The following CDH12 variants were observed in gnomAD, a reference collection of about 807,000 sequenced individuals.
CDH12 encodes the protein cadherin 12.
Under a neutral mutation model 74.1 loss-of-function variants are expected in CDH12, and 41 were observed. The ratio of observed to expected loss-of-function variants is 0.55; its 90% CI spans 0.43 to 0.72. CDH12 has a LOEUF of 0.72. Among genes scored for constraint, CDH12 ranks in the 30% least tolerant of loss-of-function variants. CDH12 has a pLI of 0.00. For synonymous variants in CDH12, 399 were observed against 355.0 expected, an observed-to-expected ratio of 1.12 and a Z score of -1.39; for missense variants, 945 against 977.2, an observed-to-expected ratio of 0.97 and a Z score of 0.44.
chr5:22,772,682 C>A (rs540098406), intron 1 of CDH12, among the ~76,000 whole-genome samples: 42 of 151,870 alleles, frequency 2.8e-4, no homozygotes, highest in Non-Finnish European at 5.9e-4. Flanking sequence ...TATATGAGAG[C>A]AAAATTTTAC....
intron 3 of CDH12, among the ~76,000 whole-genome samples, chr5:22,365,022 C>T (rs538565313): frequency 6.6e-6 from 1 of 152,188 alleles, no homozygotes; most frequent in Non-Finnish European, 1.5e-5. Context: ...TGTAGGCTAA[C>T]AGTGGAACAG....
At chr5:21,981,779 T>C (rs1305637347) in intron 5 of CDH12, among the ~76,000 whole-genome samples, 1 of 152,148 alleles carries the variant, frequency 6.6e-6, no homozygotes, top group Non-Finnish European at 1.5e-5. Context: ...CCTCCTGGGC[T>C]CAAGTGATCC....
At chr5:22,032,101 A>G (rs1011695317) in intron 5 of CDH12, among the ~76,000 whole-genome samples, 6 of 151,662 alleles carry the variant, frequency 4.0e-5, no homozygotes, top group Admixed American at 4.0e-4. Flanking sequence ...ATAAATAGAA[A>G]TATTATATAA....
rs1257005468 is a variant in CDH12 at position 21,825,434 on chromosome 5, T to C, written c.815-8302A>G. ...TTTGCTATTTTTAAAGAATCTGTTT[T>C]CTCTGCACTCAATACTTTCTTCTCA... On this transcript the variant is annotated intron_variant, in intron 8 of 14. Coordinates refer to ENST00000382254, the MANE Select transcript of CDH12 (RefSeq NM_004061.5). 2.0e-5 allele frequency among the ~76,000 whole-genome samples: 3 copies of C among 152,176 alleles called. No individual in the cohort carries two copies. In the South Asian group the frequency reaches 6.2e-4, roughly 32 times the overall value.
chr5:21,848,669 C>G (rs560739887), intron 7 of CDH12, among the ~76,000 whole-genome samples: 1 of 151,868 alleles, frequency 6.6e-6, no homozygotes, highest in African/African-American at 2.4e-5. Flanking sequence ...GAAGAGTTAT[C>G]AGGTTATCTT....
chr5:22,058,348 C>T (rs1001824799), intron 5 of CDH12, among the ~76,000 whole-genome samples: 1 of 152,132 alleles, frequency 6.6e-6, no homozygotes, highest in Non-Finnish European at 1.5e-5. Flanking sequence ...TGAGCCACTG[C>T]ACCCAGCCTT....
intron 3 of CDH12, among the ~76,000 whole-genome samples, chr5:22,395,458 T>C (rs761958253): frequency 1.3e-5 from 2 of 152,138 alleles, no homozygotes; most frequent in East Asian, 3.9e-4. Flanking sequence ...TTTTTAATAA[T>C]GTGTTTGGGC....
chr5:22,269,084 T>C (rs1328349865), intron 3 of CDH12, among the ~76,000 whole-genome samples: 1 of 152,170 alleles, frequency 6.6e-6, no homozygotes, highest in Non-Finnish European at 1.5e-5. Context: ...ATAGAAGTCA[T>C]GATAATATCT....
At chr5:22,831,050 T>G (rs1736579383) in intron 1 of CDH12, among the ~76,000 whole-genome samples, 1 of 152,006 alleles carries the variant, frequency 6.6e-6, no homozygotes. Flanking sequence ...TATTCTGAGA[T>G]TCAAATATTA....
chr5:22,328,644 A>G (rs542583091), intron 3 of CDH12, among the ~76,000 whole-genome samples: 2 of 152,342 alleles, frequency 1.3e-5, no homozygotes, highest in South Asian at 4.1e-4. Flanking sequence ...GCCATAAAAC[A>G]ACAGGATTTG....
chr5:22,170,909 C>T (rs1164821604), intron 4 of CDH12, among the ~76,000 whole-genome samples: 1 of 151,748 alleles, frequency 6.6e-6, no homozygotes, highest in Non-Finnish European at 1.5e-5. Flanking sequence ...AATTAAGCAG[C>T]AGTTGGTAGC....
At chr5:22,059,257 A>G (rs1275784814) in intron 5 of CDH12, among the ~76,000 whole-genome samples, 2 of 111,896 alleles carry the variant, frequency 1.8e-5, no homozygotes, top group Non-Finnish European at 4.0e-5. Flanking sequence ...CTTGTACTCT[A>G]TCTATCTATC....
intron 2 of CDH12, among the ~76,000 whole-genome samples, chr5:22,467,429 T>TA: frequency 6.6e-6 from 1 of 152,304 alleles, no homozygotes; most frequent in South Asian, 2.1e-4. Flanking sequence ...TGAAATCAAC[T>TA]AAGAGTTCTC....
At chr5:22,023,876 C>T (rs1486199612) in intron 5 of CDH12, among the ~76,000 whole-genome samples, 1 of 152,126 alleles carries the variant, frequency 6.6e-6, no homozygotes, top group Non-Finnish European at 1.5e-5. Context: ...TGGCTCCTCC[C>T]TCTTAACACA....
chr5:22,114,308 T>C (rs1744970415), intron 4 of CDH12, among the ~76,000 whole-genome samples: 1 of 152,196 alleles, frequency 6.6e-6, no homozygotes, highest in Non-Finnish European at 1.5e-5. Context: ...TCCTACATGA[T>C]ATAAAAATAT....
At chr5:22,055,596 T>C (rs1740681898) in intron 5 of CDH12, among the ~76,000 whole-genome samples, 1 of 152,198 alleles carries the variant, frequency 6.6e-6, no homozygotes, top group Admixed American at 6.6e-5. Flanking sequence ...TTAATTGAAT[T>C]GGATTATTCC....
At position 21,752,010 on chromosome 5, in the gene CDH12, T is replaced by C. The variant is rs1744110943; in HGVS notation, c.2112A>G (p.Arg704=). 5 of 1,613,982 alleles carry C rather than the reference T, an allele frequency of 3.1e-6. No homozygotes were observed. The South Asian group carries it at 4.4e-5, about 14-fold the overall frequency. ...KPDSLCLPRQ[R]PPMEDNTDIR... is the part of the protein sequence containing the mutation. ...TGTCTGTGTTATCTTCCATGGGTGG[T>C]CTCTGACGAGGTAAACAGAGAGAGT... Residue 704 remains arginine, a synonymous_variant, in exon 15 of 15, where the codon AGA becomes AGG. Transcript: ENST00000382254.
intron 6 of CDH12, among the ~76,000 whole-genome samples, chr5:21,931,803 C>A (rs1256717628): frequency 1.3e-5 from 2 of 152,102 alleles, no homozygotes; most frequent in African/African-American, 4.8e-5. Flanking sequence ...CTAAGACTGG[C>A]CTTAAGAAGA....
At position 22,284,921 on chromosome 5, in the gene CDH12, G is replaced by T. The variant is rs186900013; in HGVS notation, c.-332-72278C>A. On this transcript the variant is annotated intron_variant, in intron 3 of 14. Coordinates refer to ENST00000382254, the MANE Select transcript of CDH12 (RefSeq NM_004061.5). ...AGGAAGATGAGATGAAAGAATAAAG[G>T]CAAAAGAGAAAAAAAGGGAAGAAGA... is the stretch of plus-strand genomic sequence containing the variant. Among the ~76,000 whole-genome samples the T allele has an allele frequency of 5.0e-3, 668 of 133,626 alleles. 9 individuals carry two copies. The highest frequency in any genetic ancestry group is 6.8e-3 in the Non-Finnish European group (427 of 62,926). The allele number at this position is 133,626 out of a possible 152,430, so 87.7% of individuals were successfully genotyped here.
Sources: gnomAD v4.1 joint callset for allele counts (sites outside exome capture counted in the v4.1 genomes callset) on GRCh38, gnomAD v4.1.1 for gene constraint, MANE v1.5 for transcripts, NCBI Gene and HGNC (gene_info 2026-07-23, HGNC 2026-07-21) for gene names.